COL10A1: variants seen among roughly 807,000 people sequenced by gnomAD.
COL10A1 encodes the protein collagen type X alpha 1 chain.
Under a neutral mutation model 18.2 loss-of-function variants are expected in COL10A1, and 10 were observed. The ratio of observed to expected loss-of-function variants is 0.55; its 90% confidence interval spans 0.34 to 0.93. The LOEUF (loss-of-function observed/expected upper bound fraction) is 0.93. Ranked by LOEUF, COL10A1 falls within the 40% of genes least tolerant of loss-of-function variation. The pLI is 0.02. For synonymous variants in COL10A1, 330 were observed against 316.6 expected, an observed-to-expected ratio of 1.04 and a Z score of -0.45; for missense variants, 897 against 853.5, an observed-to-expected ratio of 1.05 and a Z score of -0.64.
chr6:116,157,055 C>T (rs1780213409), intron 1 of COL10A1, among the ~76,000 whole-genome samples: 1 of 152,070 alleles, frequency 6.6e-6, no homozygotes, highest in South Asian at 2.1e-4. Flanking sequence ...TCCCTTCCAC[C>T]AAATAGACAT....
upstream of COL10A1, among the ~76,000 whole-genome samples, chr6:116,130,126 T>C (rs1779424644): frequency 6.6e-6 from 1 of 152,152 alleles, no homozygotes; most frequent in Non-Finnish European, 1.5e-5. Flanking sequence ...TTTTATTTAT[T>C]AGCTAGGATA....
At chr6:116,176,865 ATCT>A in the COL10A1 span, among the ~76,000 whole-genome samples, 1 of 152,126 alleles carries the variant, frequency 6.6e-6, no homozygotes, top group Non-Finnish European at 1.5e-5. Flanking sequence ...CTGTCCTGTG[ATCT>A]TCTCACTTCT....
intron 1 of COL10A1, among the ~76,000 whole-genome samples, chr6:116,143,532 T>G (rs1779817614): frequency 6.6e-6 from 1 of 152,050 alleles, no homozygotes; most frequent in Non-Finnish European, 1.5e-5. Flanking sequence ...CTTTAATTGT[T>G]TTTGTTCAGG....
At chr6:116,142,599 TC>T (rs1779795808) in intron 1 of COL10A1, among the ~76,000 whole-genome samples, 1 of 152,176 alleles carries the variant, frequency 6.6e-6, no homozygotes, top group African/African-American at 2.4e-5. Flanking sequence ...CTGTGTTTTT[TC>T]CTTAGAGTCA....
At chr6:116,191,799 A>G in the COL10A1 span, among the ~76,000 whole-genome samples, 1 of 152,000 alleles carries the variant, frequency 6.6e-6, no homozygotes, top group South Asian at 2.1e-4. Context: ...ATTGATGTAC[A>G]GTATTTATAT....
At chr6:116,178,094 CGCGCGCGCGT>C in the COL10A1 span, among the ~76,000 whole-genome samples, 7 of 93,336 alleles carry the variant, frequency 7.5e-5, no homozygotes, top group African/African-American at 1.7e-4. Flanking sequence ...TGTGTGCGCG[CGCGCGCGCGT>C]GCGTGCGTGT....
At chr6:116,145,717 GT>G (rs1779882441) in intron 1 of COL10A1, among the ~76,000 whole-genome samples, 1 of 152,008 alleles carries the variant, frequency 6.6e-6, no homozygotes, top group Non-Finnish European at 1.5e-5. Context: ...ATAAAAAATA[GT>G]TTGTTTCATT....
At chr6:116,203,448 T>C in the COL10A1 span, among the ~76,000 whole-genome samples, 9 of 152,018 alleles carry the variant, frequency 5.9e-5, no homozygotes, top group East Asian at 9.7e-4. Context: ...CATTTTTTAT[T>C]TTATATATGT....
chr6:116,188,929 G>A, the COL10A1 span, among the ~76,000 whole-genome samples: 1 of 151,872 alleles, frequency 6.6e-6, no homozygotes. Context: ...CCATTTTGCA[G>A]AGTGGAGTTT....
intron 2 of COL10A1, among the ~76,000 whole-genome samples, chr6:116,123,543 T>C (rs1401206704): frequency 6.6e-6 from 1 of 152,268 alleles, no homozygotes; most frequent in Non-Finnish European, 1.5e-5. Flanking sequence ...CTCTGCAGCA[T>C]AATTTAGTAT....
the COL10A1 span, among the ~76,000 whole-genome samples, chr6:116,189,864 G>C: frequency 6.6e-6 from 1 of 152,012 alleles, no homozygotes; most frequent in East Asian, 1.9e-4. Context: ...TTCAGGGGAA[G>C]CACATAATTC....
At chr6:116,200,732 T>C in the COL10A1 span, among the ~76,000 whole-genome samples, 3 of 152,104 alleles carry the variant, frequency 2.0e-5, no homozygotes, top group East Asian at 5.8e-4. Context: ...TGGATCGTAC[T>C]TCATCTCTTC....
At chr6:116,135,834 GATAT>G (rs199827970) in intron 1 of COL10A1, among the ~76,000 whole-genome samples, 13,398 of 102,220 alleles carry the variant, frequency 0.13, 846 homozygotes, top group South Asian at 0.23. Flanking sequence ...TATATTTTCA[GATAT>G]ATATATATAT....
the COL10A1 span, among the ~76,000 whole-genome samples, chr6:116,182,222 A>AGAGTGTGTGTGTGTGTGTGTGT: frequency 1.1e-3 from 142 of 124,674 alleles, no homozygotes; most frequent in South Asian, 2.0e-3. Flanking sequence ...TTCCATGGAG[A>AGAGTGTGTGTGTGTGTGTGTGT]GTGTGTGTGT....
At chr6:116,179,703 T>C in the COL10A1 span, among the ~76,000 whole-genome samples, 3 of 152,154 alleles carry the variant, frequency 2.0e-5, no homozygotes, top group Non-Finnish European at 2.9e-5. Context: ...CTAAATCAGC[T>C]TCAGTGATGA....
At chr6:116,159,289 A>G (rs1353307493), upstream of COL10A1, among the ~76,000 whole-genome samples, 2 of 152,224 alleles carry the variant, frequency 1.3e-5, no homozygotes, top group Admixed American at 6.5e-5. Context: ...ATCAAAAACC[A>G]GAGAAACATA....
At chr6:116,138,803 G>A (rs2114357119) in intron 1 of COL10A1, among the ~76,000 whole-genome samples, 1 of 152,176 alleles carries the variant, frequency 6.6e-6, no homozygotes, top group South Asian at 2.1e-4. Flanking sequence ...AGTTAAATAT[G>A]GCAGGGGAAT....
chr6:116,149,885 G>A (rs1333986772), intron 1 of COL10A1, among the ~76,000 whole-genome samples: 1 of 152,200 alleles, frequency 6.6e-6, no homozygotes, highest in Non-Finnish European at 1.5e-5. Flanking sequence ...ACCAGCATTA[G>A]GACTTAACGG....
In COL10A1 at chr6:116,121,405, T is replaced by C. The variant is rs780179251; in HGVS notation, c.711A>G (p.Arg237=). The change falls in exon 3 of 3, where the codon AGA becomes AGG. Residue 237 remains arginine, a synonymous_variant. Coordinates refer to ENST00000651968, the MANE Select transcript of COL10A1 (RefSeq NM_000493.4). ...TTGGTCCCATTTCTCCCGGAAAACC[T>C]CTATCACCTTTGATGCCTGGCTGTC... ...VPGQPGIKGD[R]GFPGEMGPIG... The C allele has an allele frequency of 2.5e-5, 40 of 1,613,726 alleles. No individual in the cohort carries two copies. The highest frequency in any genetic ancestry group is 3.4e-5 in the Non-Finnish European group (40 of 1,179,944).
Sources: gnomAD v4.1 joint callset for allele counts (sites outside exome capture counted in the v4.1 genomes callset) on GRCh38, gnomAD v4.1.1 for gene constraint, MANE v1.5 for transcripts, NCBI Gene and HGNC (gene_info 2026-07-23, HGNC 2026-07-21) for gene names.